RBPJ: variants seen among roughly 807,000 people sequenced by gnomAD.
The protein encoded by RBPJ is recombining binding protein suppressor of hairless.
Under a neutral mutation model 67.8 loss-of-function variants are expected in RBPJ, and 9 were observed. The ratio of observed to expected loss-of-function variants is 0.13; its 90% CI spans 0.08 to 0.23. The LOEUF (loss-of-function observed/expected upper bound fraction) is 0.23, where lower values mean the gene tolerates loss of function less well. Among genes scored for constraint, RBPJ ranks in the 10% least tolerant of loss-of-function variants. RBPJ has a pLI of 1.00. For synonymous variants in RBPJ, 198 were observed against 203.3 expected (o/e 0.97, Z 0.22); for missense variants, 305 against 595.6 (o/e 0.51, Z 5.08).
intron 1 of RBPJ, among the ~76,000 whole-genome samples, chr4:26,202,353 A>G (rs527814146): frequency 6.6e-6 from 1 of 151,712 alleles, no homozygotes; most frequent in Admixed American, 6.6e-5. Flanking sequence ...TAGCCTAAGC[A>G]AACAGTGGCA....
chr4:26,306,768 A>C (rs1248852715), intron 1 of RBPJ, among the ~76,000 whole-genome samples: 1 of 152,092 alleles, frequency 6.6e-6, no homozygotes, highest in African/African-American at 2.4e-5. Flanking sequence ...TTTTTAATTA[A>C]TAAATGTGTC....
intron 2 of RBPJ, among the ~76,000 whole-genome samples, chr4:26,390,468 A>T (rs1216713040): frequency 6.6e-6 from 1 of 152,246 alleles, no homozygotes; most frequent in Non-Finnish European, 1.5e-5. Context: ...TTATTTGCAG[A>T]TATCATGATC....
At position 26,269,224 on chromosome 4, in the gene RBPJ, T is replaced by A. The variant is rs753753570; in HGVS notation, c.-166-93222T>A. On this transcript the variant is annotated intron_variant, in intron 1 of 4. Coordinates refer to the RBPJ transcript ENST00000512351. ...TTATTTTATTTTATTTATTTATTTA[T>A]TTAATTTATTTTTTATTATTTATTT... 1.3e-4 allele frequency among the ~76,000 whole-genome samples: 20 copies of A among 150,328 alleles called. No homozygotes were observed. In the Middle Eastern group the frequency reaches 0.011, roughly 79 times the overall value.
At chr4:26,428,461 G>A (rs1271829506) in intron 7 of RBPJ, among the ~76,000 whole-genome samples, 1 of 151,924 alleles carries the variant, frequency 6.6e-6, no homozygotes, top group Admixed American at 6.6e-5. Context: ...GAAAACAAGT[G>A]CCTGCCTGCC....
intron 1 of RBPJ, among the ~76,000 whole-genome samples, chr4:26,282,702 A>G (rs1439905232): frequency 1.3e-5 from 2 of 151,508 alleles, no homozygotes; most frequent in East Asian, 2.0e-4. Flanking sequence ...TGTATTTTCA[A>G]TACAGACGAG....
chr4:26,427,388 A>C (rs1735781713), intron 7 of RBPJ, among the ~76,000 whole-genome samples: 1 of 152,200 alleles, frequency 6.6e-6, no homozygotes, highest in African/African-American at 2.4e-5. Context: ...GGAAATGTTG[A>C]ATAGGTAGTT....
At chr4:26,329,886 T>A (rs1362938107) in intron 1 of RBPJ, among the ~76,000 whole-genome samples, 1 of 150,780 alleles carries the variant, frequency 6.6e-6, no homozygotes, top group African/African-American at 2.4e-5. Context: ...AGAGTGAGAC[T>A]CTGTCTCCAA....
At chr4:26,213,388 G>T (rs10016038) in intron 1 of RBPJ, among the ~76,000 whole-genome samples, 118,184 of 151,954 alleles carry the variant, frequency 0.78, 46,581 homozygotes, top group African/African-American at 0.9. Context: ...TGTTGTTTGG[G>T]TTTTTTTTCC....
intron 1 of RBPJ, among the ~76,000 whole-genome samples, chr4:26,246,015 C>T (rs1193543992): frequency 2.0e-5 from 3 of 152,134 alleles, no homozygotes; most frequent in Non-Finnish European, 4.4e-5. Context: ...CAAACTTGTT[C>T]TTCTTTAAAA....
chr4:26,205,345 G>A (rs1718132948), intron 1 of RBPJ, among the ~76,000 whole-genome samples: 1 of 152,212 alleles, frequency 6.6e-6, no homozygotes, highest in Non-Finnish European at 1.5e-5. Flanking sequence ...AGACCATGGA[G>A]GGCCCATGAG....
intron 1 of RBPJ, among the ~76,000 whole-genome samples, chr4:26,262,252 G>GT (rs2109251626): frequency 6.6e-6 from 1 of 151,794 alleles, no homozygotes; most frequent in South Asian, 2.1e-4. Context: ...GCCTAAAATT[G>GT]TTTTAAGAAA....
chr4:26,176,097 T>A (rs866533815), intron 1 of RBPJ, among the ~76,000 whole-genome samples: 29 of 152,256 alleles, frequency 1.9e-4, no homozygotes, highest in African/African-American at 6.8e-4. Context: ...AATAATTTTT[T>A]AGTGTAAGAA....
chr4:26,296,848 G>T (rs1256383042), intron 1 of RBPJ, among the ~76,000 whole-genome samples: 1 of 152,154 alleles, frequency 6.6e-6, no homozygotes, highest in Non-Finnish European at 1.5e-5. Flanking sequence ...TTCAGGCAAA[G>T]ACTCAAAATG....
At chr4:26,165,951 G>A (rs1177099091) in intron 1 of RBPJ, among the ~76,000 whole-genome samples, 1 of 148,892 alleles carries the variant, frequency 6.7e-6, no homozygotes, top group Non-Finnish European at 1.5e-5. Flanking sequence ...CCATCTGTGA[G>A]TGAGAACATG....
At chr4:26,158,945 T>TTCTCTCTCTCTCTCTCTC (rs5856933), upstream of RBPJ, among the ~76,000 whole-genome samples, 128 of 136,844 alleles carry the variant, frequency 9.4e-4, 2 homozygotes, top group East Asian at 1.3e-3. Context: ...CTCTCTCTCT[T>TTCTCTCTCTCTCTCTCTC]TCTCTCTCTC....
intron 1 of RBPJ, among the ~76,000 whole-genome samples, chr4:26,182,668 A>T (rs1319235685): frequency 6.8e-6 from 1 of 147,108 alleles, no homozygotes; most frequent in African/African-American, 2.5e-5. Flanking sequence ...TAATTTTTTA[A>T]TTTTTTTTTT....
In RBPJ at chr4:26,424,595, AG is replaced by A. The variant is rs1390652162; in HGVS notation, c.635-35del. On this transcript the variant is annotated intron_variant, in intron 6 of 10. Coordinates refer to ENST00000355476, the MANE Select transcript of RBPJ (RefSeq NM_015874.6). The surrounding 1 kb of genome is among the most constrained non-coding windows in gnomAD (Gnocchi z 5.3). ...GCCTAATCATAAAATAAATTTAAAAAGATGACAATTTGATTTATTTTTCCAC... is the reference window on the plus strand; with the variant it reads ...GCCTAATCATAAAATAAATTTAAAAAATGACAATTTGATTTATTTTTCCAC... The A allele has an allele frequency of 6.4e-7, 1 of 1,563,034 alleles. No homozygotes were observed. The highest frequency in any genetic ancestry group is 1.4e-5 in the African/African-American group (1 of 73,354).
the RBPJ span, among the ~76,000 whole-genome samples, chr4:26,118,203 T>A: frequency 6.6e-6 from 1 of 152,204 alleles, no homozygotes; most frequent in Non-Finnish European, 1.5e-5. Context: ...GACAGAGGGA[T>A]GCAAAGGGTT....
intron 5 of RBPJ, among the ~76,000 whole-genome samples, chr4:26,422,748 G>A (rs1367873890): frequency 6.6e-6 from 1 of 152,098 alleles, no homozygotes; most frequent in Non-Finnish European, 1.5e-5. Flanking sequence ...AACCTCTTAT[G>A]TTCATTCTCT....
Sources: allele counts gnomAD v4.1 joint callset (sites outside exome capture counted in the v4.1 genomes callset), GRCh38; gene constraint gnomAD v4.1.1; non-coding constraint Gnocchi (gnomAD v3.1); transcripts MANE v1.5; gene names NCBI Gene and HGNC (gene_info 2026-07-23, HGNC 2026-07-21).